TRAK1: variants seen among roughly 807,000 people sequenced by gnomAD.
The protein encoded by TRAK1 is trafficking kinesin protein 1.
TRAK1 carries 33 observed loss-of-function variants against 92.1 expected under a neutral mutation model. The ratio of observed to expected loss-of-function variants is 0.36; its 90% confidence interval spans 0.27 to 0.48. The LOEUF (loss-of-function observed/expected upper bound fraction) is 0.48, where lower values mean the gene tolerates loss of function less well. Among genes scored for constraint, TRAK1 ranks in the 20% least tolerant of loss-of-function variants. The pLI, the probability that TRAK1 is intolerant of heterozygous loss-of-function variation, is 0.99. For synonymous variants in TRAK1, 521 were observed against 517.3 expected, an observed-to-expected ratio of 1.01 and a Z score of -0.10; for missense variants, 1,123 against 1,257.9, an observed-to-expected ratio of 0.89 and a Z score of 1.62.
chr3:42,216,396 T>A (rs551664233), intron 14 of TRAK1, among the ~76,000 whole-genome samples: 3 of 152,272 alleles, frequency 2.0e-5, no homozygotes, highest in Admixed American at 2.0e-4. Context: ...GCATGGGCAC[T>A]CAGTGCCACT....
At chr3:42,166,911 C>A (rs1422837676) in intron 2 of TRAK1, among the ~76,000 whole-genome samples, 1 of 152,204 alleles carries the variant, frequency 6.6e-6, no homozygotes, top group Non-Finnish European at 1.5e-5. Context: ...GTTCGTACGG[C>A]TCTGGGTCGG....
intron 1 of TRAK1, among the ~76,000 whole-genome samples, chr3:42,108,843 G>A (rs1191533324): frequency 2.6e-5 from 4 of 152,082 alleles, no homozygotes; most frequent in South Asian, 2.1e-4. Context: ...CCTGTTTGAA[G>A]GCAAAGTCTC....
intron 2 of TRAK1, among the ~76,000 whole-genome samples, chr3:42,153,823 G>A (rs1700229094): frequency 6.6e-6 from 1 of 152,114 alleles, no homozygotes; most frequent in South Asian, 2.1e-4. Context: ...TTTCTGAACT[G>A]AGTTTTCGAA....
chr3:42,158,884 G>A (rs1005099820), intron 2 of TRAK1, among the ~76,000 whole-genome samples: 33 of 150,376 alleles, frequency 2.2e-4, no homozygotes, highest in East Asian at 1.2e-3. Context: ...GTGTGAACCC[G>A]GGAGGCGGAG....
intron 2 of TRAK1, among the ~76,000 whole-genome samples, chr3:42,142,596 A>C (rs180862384): frequency 6.6e-6 from 1 of 152,334 alleles, no homozygotes; most frequent in African/African-American, 2.4e-5. Flanking sequence ...ATTCAGAGCC[A>C]TCCTACTTAG....
At chr3:42,140,299 G>A (rs1198302542) in intron 2 of TRAK1, among the ~76,000 whole-genome samples, 2 of 152,112 alleles carry the variant, frequency 1.3e-5, no homozygotes, top group Admixed American at 1.3e-4. Context: ...GCCTTCTGCC[G>A]TGGGTGCTCA....
chr3:42,169,305 A>G lies in TRAK1; in HGVS notation c.287-7509A>G, dbSNP rs575203022. Among the ~76,000 whole-genome samples, 7 of 151,852 alleles carry G rather than the reference A, an allele frequency of 4.6e-5. No homozygotes were observed. The East Asian group carries it at 7.7e-4, about 17-fold the overall frequency. The stretch of plus-strand genomic sequence containing the variant: ...GCATGCATGAACTTCATTCCTTTTT[A>G]TGACTCAATATTCCATTGTATGGAC... On this transcript the variant is annotated intron_variant, in intron 2 of 15. Transcript: ENST00000327628.
rs1045939943 is a variant in TRAK1, at chr3:42,225,278, C to G, written c.*1541C>G. The G allele has an allele frequency of 6.6e-6, 1 of 152,182 alleles. No homozygotes were observed. The highest frequency in any genetic ancestry group is 2.4e-5 in the African/African-American group (1 of 41,436). 9.4% of individuals were successfully genotyped at this position (152,182 alleles called of 1,614,324 possible). The stretch of plus-strand genomic sequence containing the variant: ...ATCCCATATAAATGAAACTGTCATG[C>G]TGTGTCCTCCCCGGCAGCAGAAGAT... On this transcript the variant is annotated 3_prime_UTR_variant, in exon 16 of 16. Coordinates refer to ENST00000327628, the MANE Select transcript of TRAK1 (RefSeq NM_001042646.3).
At position 42,223,680 on chromosome 3, in the gene TRAK1, T is replaced by A. The variant is rs1294684518; in HGVS notation, c.2805T>A (p.Thr935=). 6.2e-7 allele frequency: 1 copy of A among 1,613,882 alleles called. No homozygotes were observed. The highest frequency in any genetic ancestry group is 1.3e-5 in the African/African-American group (1 of 75,012). The change falls in exon 16 of 16, where the codon ACT becomes ACA. Residue 935 remains threonine (T), a synonymous_variant. Coordinates refer to ENST00000327628, the MANE Select transcript of TRAK1 (RefSeq NM_001042646.3). This position sits in a 1 kb window ranked among gnomAD's most constrained non-coding sequence, Gnocchi z 6.1. ...GCATGCAGATGAAAGCTCCTGTGACTCTCACCTCGGGCATCTTGATGGGTG... is the reference window on the plus strand; with the variant it reads ...GCATGCAGATGAAAGCTCCTGTGACACTCACCTCGGGCATCTTGATGGGTG... ...GSSMQMKAPV[T]LTSGILMGAK...
upstream of TRAK1, among the ~76,000 whole-genome samples, chr3:42,013,635 A>T (rs566357716): frequency 4.4e-3 from 639 of 146,552 alleles, 4 homozygotes; most frequent in African/African-American, 0.015. This position sits in a 1 kb window ranked among gnomAD's most constrained non-coding sequence, Gnocchi z 5.1. Context: ...GGGAGGTGCA[A>T]GCCGCCCGCT....
At chr3:42,143,461 A>G (rs2149228299) in intron 2 of TRAK1, among the ~76,000 whole-genome samples, 1 of 152,236 alleles carries the variant, frequency 6.6e-6, no homozygotes, top group Non-Finnish European at 1.5e-5. Flanking sequence ...TGGGCAAGTG[A>G]CTTAAGCCAC....
intron 2 of TRAK1, among the ~76,000 whole-genome samples, chr3:42,141,961 A>C (rs9311298): frequency 0.63 from 95,882 of 151,824 alleles, 30,676 homozygotes; most frequent in South Asian, 0.77. Flanking sequence ...CATGACGAAA[A>C]CCTGTCTCTA....
At chr3:42,200,562 T>C (rs1707379827) in intron 11 of TRAK1, among the ~76,000 whole-genome samples, 1 of 152,206 alleles carries the variant, frequency 6.6e-6, no homozygotes. Flanking sequence ...ACAATTTCAC[T>C]CTTGCTGGCA....
chr3:42,039,734 A>G (rs1702464407), intron 1 of TRAK1, among the ~76,000 whole-genome samples: 1 of 152,236 alleles, frequency 6.6e-6, no homozygotes, highest in African/African-American at 2.4e-5. Flanking sequence ...TGGATGTATA[A>G]CATGTTTTCA....
intron 2 of TRAK1, among the ~76,000 whole-genome samples, chr3:42,164,010 G>A (rs1320101802): frequency 6.6e-6 from 1 of 152,242 alleles, no homozygotes; most frequent in African/African-American, 2.4e-5. Flanking sequence ...AAGCAAGGCT[G>A]TGGTGCAGAT....
chr3:42,022,037 G>T (rs571573885), intron 1 of TRAK1, among the ~76,000 whole-genome samples: 10 of 152,308 alleles, frequency 6.6e-5, no homozygotes, highest in Non-Finnish European at 1.3e-4. Context: ...AGGGTGGGGT[G>T]TGCCCTGGAC....
intron 1 of TRAK1, among the ~76,000 whole-genome samples, chr3:42,123,133 T>C (rs1576473278): frequency 6.6e-6 from 1 of 152,032 alleles, no homozygotes; most frequent in South Asian, 2.1e-4. Context: ...TGCTGACAGG[T>C]GTTCTCAGTG....
intron 12 of TRAK1, among the ~76,000 whole-genome samples, chr3:42,201,454 C>T (rs1421244975): frequency 2.7e-5 from 4 of 150,390 alleles, no homozygotes; most frequent in Admixed American, 6.6e-5. Flanking sequence ...GAGTGAGACT[C>T]TGTCTCAAAA....
intron 2 of TRAK1, among the ~76,000 whole-genome samples, chr3:42,148,969 T>A (rs1285854614): frequency 6.6e-6 from 1 of 152,182 alleles, no homozygotes; most frequent in Non-Finnish European, 1.5e-5. Flanking sequence ...TTGAAGGTGA[T>A]GATGGTGCTG....
Sources: allele counts gnomAD v4.1 joint callset (sites outside exome capture counted in the v4.1 genomes callset), GRCh38; gene constraint gnomAD v4.1.1; non-coding constraint Gnocchi (gnomAD v3.1); transcripts MANE v1.5; gene names NCBI Gene and HGNC (gene_info 2026-07-23, HGNC 2026-07-21).